Variants in PPARGC1A observed in about 807,000 individuals in gnomAD.
The protein encoded by PPARGC1A is PPARG coactivator 1 alpha, also known as peroxisome proliferator-activated receptor gamma coactivator 1-alpha.
PPARGC1A carries 25 observed loss-of-function variants against 88.7 expected under a neutral mutation model. The observed-to-expected ratio is 0.28, with a 90% CI of 0.21 to 0.39. The LOEUF is 0.39. Ranked by LOEUF, PPARGC1A falls within the 10% of genes least tolerant of loss-of-function variation. The probability of loss-of-function intolerance (pLI) is 1.00; values close to 1 mark genes in which losing one functional copy is unlikely to be tolerated. For synonymous variants in PPARGC1A, 363 were observed against 355.6 expected (o/e 1.02, Z -0.24); for missense variants, 880 against 968.7 (o/e 0.91, Z 1.22).
At chr4:24,231,700 G>A in the PPARGC1A span, among the ~76,000 whole-genome samples, 2 of 152,074 alleles carry the variant, frequency 1.3e-5, no homozygotes, top group Non-Finnish European at 2.9e-5. Flanking sequence ...AAGAATGGGG[G>A]TGCCGTTAAC....
At chr4:23,823,932 T>C (rs56982201) in intron 7 of PPARGC1A, among the ~76,000 whole-genome samples, 5,728 of 152,180 alleles carry the variant, frequency 0.038, 114 homozygotes, top group Middle Eastern at 0.058. Flanking sequence ...TTATCAGCAA[T>C]GGCCAGAGCC....
chr4:24,021,395 A>G, the PPARGC1A span, among the ~76,000 whole-genome samples: 1 of 152,182 alleles, frequency 6.6e-6, no homozygotes, highest in Non-Finnish European at 1.5e-5. Context: ...CCTAACAGTG[A>G]TATGTTTATT....
chr4:24,103,316 C>T, the PPARGC1A span, among the ~76,000 whole-genome samples: 17 of 152,102 alleles, frequency 1.1e-4, no homozygotes, highest in East Asian at 7.7e-4. Context: ...AGGTGGTATC[C>T]GCACCTGGCA....
chr4:24,136,377 A>G, the PPARGC1A span, among the ~76,000 whole-genome samples: 5 of 152,342 alleles, frequency 3.3e-5, no homozygotes, highest in South Asian at 4.1e-4. Flanking sequence ...GTAGAGTTAC[A>G]GTGTATCACT....
chr4:23,875,795 G>T (rs1456785240), intron 2 of PPARGC1A: 1 of 152,266 alleles, frequency 6.6e-6, no homozygotes, highest in Non-Finnish European at 1.5e-5. Flanking sequence ...TCATTTCAAT[G>T]AACTATTTAT....
chr4:24,425,287 A>G, the PPARGC1A span, among the ~76,000 whole-genome samples: 1 of 152,230 alleles, frequency 6.6e-6, no homozygotes, highest in Non-Finnish European at 1.5e-5. Flanking sequence ...GACACACATT[A>G]TAACATAATA....
chr4:23,831,615 CTAGCCT>C lies in PPARGC1A; in HGVS notation c.365_370del (p.Glu122_Ser124delinsGly), dbSNP rs912032587. The C allele has an allele frequency of 1.2e-6, 2 of 1,614,012 alleles. No homozygotes were observed. Among genetic ancestry groups the C allele is most frequent in the Non-Finnish European group, 1.7e-6 (2 of 1,180,020 alleles). On this transcript the variant is annotated inframe_deletion, in exon 3 of 13. Coordinates refer to ENST00000264867, the MANE Select transcript of PPARGC1A (RefSeq NM_013261.5). ...GGTGCCGTCAGGCATGGAGGAAGGA[CTAGCCT>C]CATTGTCAGTGGTCACGTCTCCATC...
At chr4:24,044,793 G>A in the PPARGC1A span, among the ~76,000 whole-genome samples, 1 of 152,154 alleles carries the variant, frequency 6.6e-6, no homozygotes, top group Admixed American at 6.6e-5. Context: ...TCCAGCAGCT[G>A]GCAGGCCACT....
At chr4:24,005,163 G>A in the PPARGC1A span, among the ~76,000 whole-genome samples, 1 of 152,084 alleles carries the variant, frequency 6.6e-6, no homozygotes, top group Admixed American at 6.6e-5. Context: ...GGGTCTCGAA[G>A]CTAGTGGCTT....
the PPARGC1A span, among the ~76,000 whole-genome samples, chr4:24,452,526 C>T: frequency 2.0e-5 from 3 of 152,212 alleles, no homozygotes; most frequent in African/African-American, 7.2e-5. Flanking sequence ...TCCTTGTTGA[C>T]AGCCAGCTAA....
At chr4:23,925,675 G>A in the PPARGC1A span, among the ~76,000 whole-genome samples, 1 of 152,156 alleles carries the variant, frequency 6.6e-6, no homozygotes, top group Non-Finnish European at 1.5e-5. Flanking sequence ...CACAGGAAAG[G>A]TTTTATGAGT....
At chr4:24,445,163 C>T in the PPARGC1A span, among the ~76,000 whole-genome samples, 2 of 152,198 alleles carry the variant, frequency 1.3e-5, no homozygotes, top group Non-Finnish European at 2.9e-5. Context: ...TCAGCAAATC[C>T]TCTATGGCTA....
At chr4:23,967,455 A>T in the PPARGC1A span, among the ~76,000 whole-genome samples, 1 of 152,190 alleles carries the variant, frequency 6.6e-6, no homozygotes, top group African/African-American at 2.4e-5. Context: ...AAGCAGACGC[A>T]TGCAGACAAC....
the PPARGC1A span, among the ~76,000 whole-genome samples, chr4:24,208,124 A>G: frequency 6.6e-6 from 1 of 152,090 alleles, no homozygotes; most frequent in Non-Finnish European, 1.5e-5. Flanking sequence ...AGAAAAAAAA[A>G]TGTTAAAAAT....
At chr4:24,028,493 A>T in the PPARGC1A span, among the ~76,000 whole-genome samples, 4 of 152,316 alleles carry the variant, frequency 2.6e-5, no homozygotes, top group African/African-American at 9.6e-5. Context: ...CTAATGTCAT[A>T]CAGGTACTAA....
chr4:24,254,120 G>A, the PPARGC1A span, among the ~76,000 whole-genome samples: 1 of 152,124 alleles, frequency 6.6e-6, no homozygotes, highest in Non-Finnish European at 1.5e-5. Context: ...TCAGATGAAC[G>A]TGAAACTTTT....
the PPARGC1A span, among the ~76,000 whole-genome samples, chr4:24,192,110 A>G: frequency 6.6e-6 from 1 of 152,126 alleles, no homozygotes; most frequent in Non-Finnish European, 1.5e-5. Context: ...TCTTTCTTTT[A>G]TACTCCTCTA....
chr4:24,371,525 C>T, the PPARGC1A span, among the ~76,000 whole-genome samples: 1 of 152,022 alleles, frequency 6.6e-6, no homozygotes, highest in Non-Finnish European at 1.5e-5. Context: ...AAAGAGCTGA[C>T]AGAATATCTC....
At chr4:24,183,892 A>C in the PPARGC1A span, among the ~76,000 whole-genome samples, 1 of 152,224 alleles carries the variant, frequency 6.6e-6, no homozygotes, top group Non-Finnish European at 1.5e-5. Context: ...ATAAAACTTC[A>C]CTTGCAGTAC....
Sources: allele counts gnomAD v4.1 joint callset (sites outside exome capture counted in the v4.1 genomes callset), GRCh38; gene constraint gnomAD v4.1.1; transcripts MANE v1.5; gene names NCBI Gene and HGNC (gene_info 2026-07-23, HGNC 2026-07-21).